Variants in C1orf21 observed in about 807,000 individuals in gnomAD.
C1orf21 encodes the protein uncharacterized protein C1orf21.
Under a neutral mutation model 18.7 loss-of-function variants are expected in C1orf21, and 3 were observed. That is an observed-to-expected ratio of 0.16 (90% CI 0.07 to 0.42). C1orf21 has a LOEUF of 0.42. Among genes scored for constraint, C1orf21 ranks in the 10% least tolerant of loss-of-function variants. The probability of loss-of-function intolerance (pLI) is 0.99; values close to 1 mark genes in which losing one functional copy is unlikely to be tolerated. For missense variants in C1orf21, 104 were observed against 143.6 expected (o/e 0.72, Z 1.41); for synonymous variants, 41 against 46.4 (o/e 0.88, Z 0.47).
At chr1:184,618,646 C>CT (rs1553260161) in intron 5 of C1orf21, among the ~76,000 whole-genome samples, 2 of 147,856 alleles carry the variant, frequency 1.4e-5, no homozygotes, top group Non-Finnish European at 3.0e-5. Context: ...TCCCCCCCCC[C>CT]AAGAAAAATG....
At chr1:184,400,151 T>A (rs931326067) in intron 1 of C1orf21, among the ~76,000 whole-genome samples, 114 of 152,330 alleles carry the variant, frequency 7.5e-4, no homozygotes, top group African/African-American at 2.7e-3. Flanking sequence ...CTTCTGAATC[T>A]TTTTGATGAG....
At chr1:184,617,442 G>A (rs980565128) in intron 5 of C1orf21, among the ~76,000 whole-genome samples, 2 of 152,158 alleles carry the variant, frequency 1.3e-5, no homozygotes, top group Non-Finnish European at 2.9e-5. Context: ...GGATACATTT[G>A]TATGTGTCTT....
chr1:184,529,590 T>C (rs1361306009), intron 3 of C1orf21, among the ~76,000 whole-genome samples: 1 of 152,222 alleles, frequency 6.6e-6, no homozygotes, highest in Non-Finnish European at 1.5e-5. Flanking sequence ...ATGTATCATA[T>C]TGGATCATTA....
intron 3 of C1orf21, chr1:184,568,463 T>C (rs1421486984): frequency 2.1e-6 from 1 of 470,786 alleles, no homozygotes; most frequent in South Asian, 1.6e-5. Flanking sequence ...CTGTGCATTT[T>C]AGAGAAGTTC....
intron 4 of C1orf21, among the ~76,000 whole-genome samples, chr1:184,593,275 G>C (rs958354432): frequency 7.5e-5 from 10 of 133,584 alleles, no homozygotes; most frequent in Non-Finnish European, 1.4e-4. Context: ...GCATGCTTGT[G>C]TGTGTGTGTG....
Position 184,545,427 on chromosome 1 carries a change from A to C in C1orf21, c.189+37745A>C, listed in dbSNP as rs542379684. ...ATACATGTAATCTGGTGTAGCATAT[A>C]TTTTTTTTTCTAGAATGAAAAAGTG... On this transcript the variant is annotated intron_variant, in intron 3 of 5. Coordinates refer to ENST00000235307, the MANE Select transcript of C1orf21 (RefSeq NM_030806.4). Among the ~76,000 whole-genome samples, 6 of 151,708 alleles carry C rather than the reference A, an allele frequency of 4.0e-5. No homozygotes were observed. The East Asian group carries it at 1.2e-3, about 29-fold the overall frequency.
At chr1:184,616,703 C>T (rs1401058646) in intron 5 of C1orf21, among the ~76,000 whole-genome samples, 5 of 134,812 alleles carry the variant, frequency 3.7e-5, no homozygotes, top group East Asian at 5.3e-4. Flanking sequence ...TGTGTGCACA[C>T]GTGTGTATGT....
chr1:184,397,247 C>T (rs12131730), intron 1 of C1orf21, among the ~76,000 whole-genome samples: 11,012 of 152,168 alleles, frequency 0.072, 532 homozygotes, highest in African/African-American at 0.14. Context: ...GATGTGGGAA[C>T]GTTTATTTGA....
intron 5 of C1orf21, among the ~76,000 whole-genome samples, chr1:184,601,061 C>A (rs1349895662): frequency 6.6e-6 from 1 of 152,112 alleles, no homozygotes; most frequent in Non-Finnish European, 1.5e-5. Flanking sequence ...TGAGGACAAC[C>A]ATAAATGCAA....
chr1:184,410,787 C>A (rs1211881523), intron 1 of C1orf21, among the ~76,000 whole-genome samples: 1 of 121,814 alleles, frequency 8.2e-6, no homozygotes, highest in Admixed American at 7.7e-5. Flanking sequence ...GCCTCAGCCT[C>A]CCTCCTTACA....
chr1:184,505,306 A>AATGT (rs1658036489), intron 2 of C1orf21, among the ~76,000 whole-genome samples: 1 of 66,776 alleles, frequency 1.5e-5, no homozygotes, highest in African/African-American at 6.2e-5. Context: ...TACATAAAGA[A>AATGT]ATATATATAT....
At chr1:184,572,078 C>T (rs1206877389) in intron 3 of C1orf21, among the ~76,000 whole-genome samples, 1 of 152,186 alleles carries the variant, frequency 6.6e-6, no homozygotes, top group Non-Finnish European at 1.5e-5. Flanking sequence ...TTAATGTCCA[C>T]AGGCCTTAGT....
At chr1:184,590,894 A>G (rs1344496515) in intron 4 of C1orf21, 79 bp downstream of exon 4, 8 of 1,271,266 alleles carry the variant, frequency 6.3e-6, no homozygotes, top group African/African-American at 1.5e-5. Context: ...TCAACTACCC[A>G]TGGATCAAAA....
chr1:184,584,420 G>A (rs533879964), intron 3 of C1orf21, among the ~76,000 whole-genome samples: 1 of 152,242 alleles, frequency 6.6e-6, no homozygotes, highest in African/African-American at 2.4e-5. Context: ...ACAATGCCAA[G>A]TGTTGGTGGT....
At chr1:184,456,365 G>A (rs1413643208) in intron 1 of C1orf21, among the ~76,000 whole-genome samples, 2 of 151,458 alleles carry the variant, frequency 1.3e-5, no homozygotes. Context: ...CTTCCTTGCT[G>A]TGGGTTGTCA....
At position 184,538,971 on chromosome 1, in the gene C1orf21, AG is replaced by A. The variant is rs199594632; in HGVS notation, c.189+31290del. Among the ~76,000 whole-genome samples, 1,125 of 152,298 alleles carry A rather than the reference AG, an allele frequency of 7.4e-3. 6 individuals carry two copies. The highest frequency in any genetic ancestry group is 0.02 in the Middle Eastern group (6 of 294). On this transcript the variant is annotated intron_variant, in intron 3 of 5. Transcript: ENST00000235307. ...AAGAAATGTTTACTTTTTTCTTTAC[AG>A]TTTGAATACCTTTGATTTCTTTTTC...
chr1:184,514,151 T>C (rs1174332308), intron 3 of C1orf21, among the ~76,000 whole-genome samples: 3 of 151,874 alleles, frequency 2.0e-5, no homozygotes, highest in Non-Finnish European at 4.4e-5. Flanking sequence ...AAAGTAAAAA[T>C]AGAATTAGCT....
rs190319866 is a variant in C1orf21, at chr1:184,580,775, T to C, written c.190-9964T>C. Among the ~76,000 whole-genome samples, 105 of 152,384 alleles carry C rather than the reference T, an allele frequency of 6.9e-4. 1 individual carries two copies. The highest frequency in any genetic ancestry group is 2.3e-3 in the African/African-American group (94 of 41,598). ...GATAGGGGCTGTTTTCAAACTGATA[T>C]CTTATCCTTAGTGCCTTGAACTAGA... On this transcript the variant is annotated intron_variant, in intron 3 of 5. Coordinates refer to ENST00000235307, the MANE Select transcript of C1orf21 (RefSeq NM_030806.4).
At chr1:184,464,245 T>C (rs1034814793) in intron 1 of C1orf21, among the ~76,000 whole-genome samples, 7 of 152,234 alleles carry the variant, frequency 4.6e-5, no homozygotes, top group Non-Finnish European at 1.0e-4. Flanking sequence ...GAAACATATA[T>C]CTGTGCCTCT....
Sources: allele counts gnomAD v4.1 joint callset (sites outside exome capture counted in the v4.1 genomes callset), GRCh38; gene constraint gnomAD v4.1.1; transcripts MANE v1.5; gene names NCBI Gene and HGNC (gene_info 2026-07-23, HGNC 2026-07-21).